TULP3: variants seen among roughly 807,000 people sequenced by gnomAD.
The protein encoded by TULP3 is TUB like protein 3, also known as tubby-related protein 3.
Under a neutral mutation model 50.7 loss-of-function variants are expected in TULP3, and 38 were observed. That is an observed-to-expected ratio of 0.75 (90% CI 0.58 to 0.98). The LOEUF is 0.98. TULP3 is among the 50% of genes least tolerant of loss of function. TULP3 has a pLI of 0.00. For missense variants in TULP3, 550 were observed against 568.0 expected, an observed-to-expected ratio of 0.97 and a Z score of 0.32; for synonymous variants, 183 against 196.6, an observed-to-expected ratio of 0.93 and a Z score of 0.58.
chr12:2,921,121 T>G (rs2098191427), intron 3 of TULP3, among the ~76,000 whole-genome samples, 199 bp downstream of exon 3: 1 of 152,134 alleles, frequency 6.6e-6, no homozygotes, highest in African/African-American at 2.4e-5. Flanking sequence ...CCTTAAGGTT[T>G]GCGTCCATTT....
At chr12:2,900,660 T>G (rs1248523084) in intron 1 of TULP3, among the ~76,000 whole-genome samples, 1 of 151,946 alleles carries the variant, frequency 6.6e-6, no homozygotes, top group African/African-American at 2.4e-5. Context: ...GTGTATATCC[T>G]TCTGGAATTC....
At chr12:2,911,636 A>G (rs1204301859) in intron 2 of TULP3, among the ~76,000 whole-genome samples, 1 of 120,438 alleles carries the variant, frequency 8.3e-6, no homozygotes, top group Non-Finnish European at 1.6e-5. Flanking sequence ...AAGTGCTGGG[A>G]TTACAGGCGT....
chr12:2,936,149 A>C (rs2098201131), intron 8 of TULP3, among the ~76,000 whole-genome samples: 1 of 152,046 alleles, frequency 6.6e-6, no homozygotes, highest in Non-Finnish European at 1.5e-5. Context: ...AGGCACCTGT[A>C]ATCCCAGCTA....
chr12:2,919,444 GC>G (rs1252562853), intron 2 of TULP3, among the ~76,000 whole-genome samples: 1 of 152,082 alleles, frequency 6.6e-6, no homozygotes, highest in Non-Finnish European at 1.5e-5. Context: ...GCTCTCATCA[GC>G]CCAGTTCAGG....
Position 2,922,351 on chromosome 12 carries a change from A to C in TULP3, c.343A>C (p.Thr115Pro), listed in dbSNP as rs1460286243. 1 of 1,614,160 alleles carries C rather than the reference A, an allele frequency of 6.2e-7. No homozygotes were observed. Among genetic ancestry groups the C allele is most frequent in the African/African-American group, 1.3e-5 (1 of 75,048 alleles). Residue 115 changes from threonine to proline, a missense_variant, in exon 4 of 11, where the codon ACC (threonine) becomes CCC (proline). Thr to Pro is a conservative substitution (Grantham distance 38). Coordinates refer to ENST00000448120, the MANE Select transcript of TULP3 (RefSeq NM_003324.5). ...TGTTGTGGAAGAAGATGCTGAAAAC[A>C]CCGTGGATACTGCTTCCAAGCCAGG... ...SSVVEEDAEN[T>P]VDTASKPGLQ...
At chr12:2,921,420 C>G (rs1274908738) in intron 3 of TULP3, among the ~76,000 whole-genome samples, 1 of 152,200 alleles carries the variant, frequency 6.6e-6, no homozygotes, top group Non-Finnish European at 1.5e-5. Flanking sequence ...GGATTACAGG[C>G]TTGAGCCACC....
chr12:2,936,575 C>G (rs1393737669), intron 8 of TULP3, among the ~76,000 whole-genome samples: 14 of 141,994 alleles, frequency 9.9e-5, no homozygotes, highest in Admixed American at 6.4e-4. Flanking sequence ...AACCCCGTCT[C>G]GACTAAAAAA....
At chr12:2,923,660 A>G (rs927899858) in intron 4 of TULP3, among the ~76,000 whole-genome samples, 2 of 151,480 alleles carry the variant, frequency 1.3e-5, no homozygotes, top group African/African-American at 4.9e-5. Context: ...AAAAAAAAAA[A>G]AAAGAAAAGA....
chr12:2,899,707 C>T (rs920453403), intron 1 of TULP3, among the ~76,000 whole-genome samples: 3 of 151,754 alleles, frequency 2.0e-5, no homozygotes, highest in Admixed American at 2.0e-4. Context: ...TCCTGGCTAA[C>T]ACAGTGAAAC....
chr12:2,908,993 G>A (rs964683753), intron 1 of TULP3, among the ~76,000 whole-genome samples: 4 of 151,998 alleles, frequency 2.6e-5, no homozygotes, highest in South Asian at 2.1e-4. Flanking sequence ...AATTTTTCCC[G>A]TCTTAGAACT....
chr12:2,897,408 AG>A (rs555157358), intron 1 of TULP3, among the ~76,000 whole-genome samples: 2 of 152,192 alleles, frequency 1.3e-5, no homozygotes, highest in Non-Finnish European at 2.9e-5. Flanking sequence ...TGAAATCATT[AG>A]TCTTCTCACT....
At chr12:2,933,258 AAG>A (rs2098199235) in intron 6 of TULP3, among the ~76,000 whole-genome samples, 158 bp from the exon 7 acceptor site, 1 of 152,146 alleles carries the variant, frequency 6.6e-6, no homozygotes, top group African/African-American at 2.4e-5. Context: ...GAATTCTGAT[AAG>A]AGAGTTAGAG....
chr12:2,899,752 G>C (rs984300410), intron 1 of TULP3, among the ~76,000 whole-genome samples: 2 of 151,994 alleles, frequency 1.3e-5, no homozygotes, highest in African/African-American at 4.8e-5. Flanking sequence ...AATTAGCCGG[G>C]TGTGGTGGCA....
At chr12:2,916,662 T>C (rs1239568761) in intron 2 of TULP3, among the ~76,000 whole-genome samples, 3 of 152,186 alleles carry the variant, frequency 2.0e-5, no homozygotes, top group African/African-American at 7.2e-5. Flanking sequence ...TTTTAGGTTT[T>C]CAGGGAAGTA....
At position 2,920,888 on chromosome 12, in the gene TULP3, C is replaced by T. The variant is rs990228337; in HGVS notation, c.219C>T (p.Asn73=). ...RASDEQTPLV[N]CHTPHSNVIL... is the part of the protein sequence containing the mutation. ...GTGATGAGCAGACTCCCTTGGTGAA[C>T]TGTCATACTCCCCACAGCAATGTCA... The change falls in exon 3 of 11, where the codon AAC becomes AAT. Residue 73 remains asparagine, a synonymous_variant. Transcript: ENST00000448120. The T allele has an allele frequency of 6.2e-7, 1 of 1,614,138 alleles. No homozygotes were observed.
At chr12:2,918,413 A>G (rs532222875) in intron 2 of TULP3, among the ~76,000 whole-genome samples, 1 of 151,404 alleles carries the variant, frequency 6.6e-6, no homozygotes, top group East Asian at 2.0e-4. Flanking sequence ...CGCCCAGCCT[A>G]CAGTATGTGA....
At chr12:2,929,031 C>G (rs1417274894) in intron 4 of TULP3, among the ~76,000 whole-genome samples, 1 of 150,762 alleles carries the variant, frequency 6.6e-6, no homozygotes, top group East Asian at 2.0e-4. Flanking sequence ...CCTTCCCTTC[C>G]CTTCCAAATA....
chr12:2,891,105 CAGGG>C, intron 1 of TULP3, 117 bp downstream of exon 1: 1 of 1,243,768 alleles, frequency 8.0e-7, no homozygotes, highest in Non-Finnish European at 1.1e-6. Flanking sequence ...CTTGGCGACT[CAGGG>C]AGGGACTGGT....
intron 2 of TULP3, 44 bp downstream of exon 2, chr12:2,909,624 G>C (rs760051480): frequency 4.5e-6 from 7 of 1,550,278 alleles, no homozygotes; most frequent in Non-Finnish European, 6.1e-6. Flanking sequence ...CAACTATACT[G>C]ACCGTGATGC....
Sources: gnomAD v4.1 joint callset for allele counts (sites outside exome capture counted in the v4.1 genomes callset) on GRCh38, gnomAD v4.1.1 for gene constraint, MANE v1.5 for transcripts, NCBI Gene and HGNC (gene_info 2026-07-23, HGNC 2026-07-21) for gene names.